Variants in MRPS31 observed in about 807,000 individuals in gnomAD.
The protein encoded by MRPS31 is small ribosomal subunit protein mS31.
Under a neutral mutation model 43.1 loss-of-function variants are expected in MRPS31, and 32 were observed. That is an observed-to-expected ratio of 0.74 (90% CI 0.56 to 1.00). The LOEUF is 1.00. Ranked by LOEUF, MRPS31 falls within the 50% of genes least tolerant of loss-of-function variation. The pLI is 0.00. For missense variants in MRPS31, 437 were observed against 466.7 expected (o/e 0.94, Z 0.59); for synonymous variants, 165 against 161.6 (o/e 1.02, Z -0.16).
chr13:40,766,658 T>C, intron 2 of MRPS31, 88 bp downstream of exon 2: 1 of 1,237,114 alleles, frequency 8.1e-7, no homozygotes, highest in Non-Finnish European at 1.1e-6. Flanking sequence ...ATTCAACATT[T>C]CCCAAGTACT....
intron 6 of MRPS31, among the ~76,000 whole-genome samples, chr13:40,737,387 C>A (rs1046428075): frequency 6.6e-6 from 1 of 151,640 alleles, no homozygotes; most frequent in African/African-American, 2.4e-5. Context: ...GACAGAAAGT[C>A]AACAAGGATA....
chr13:40,769,373 C>CATATATATATAT (rs201190639), intron 1 of MRPS31, among the ~76,000 whole-genome samples: 37 of 65,634 alleles, frequency 5.6e-4, no homozygotes, highest in Non-Finnish European at 9.7e-4. Context: ...AGACTCTGTC[C>CATATATATATAT]ATATATATAT....
chr13:40,752,078 T>C (rs1241563016), intron 5 of MRPS31, among the ~76,000 whole-genome samples: 1 of 152,026 alleles, frequency 6.6e-6, no homozygotes, highest in Non-Finnish European at 1.5e-5. Flanking sequence ...GGCTGGAGTG[T>C]AATGGTACAA....
At chr13:40,731,628 T>TA (rs1879704028) in intron 6 of MRPS31, among the ~76,000 whole-genome samples, 1 of 148,678 alleles carries the variant, frequency 6.7e-6, no homozygotes. Flanking sequence ...GAAAGAGAGA[T>TA]AGAGAAAATG....
At chr13:40,757,471 G>A (rs1880562390) in intron 3 of MRPS31, among the ~76,000 whole-genome samples, 1 of 117,704 alleles carries the variant, frequency 8.5e-6, no homozygotes, top group African/African-American at 3.5e-5. Flanking sequence ...TTGAGATGGA[G>A]TTTCACTCTG....
chr13:40,759,051 G>C lies in MRPS31; in HGVS notation c.496C>G (p.Leu166Val). ...TTGGTTGTTTGCTTATCAAAAGGGA[G>C]AGAATCTGCCACAGCAGATGCAGCT... The part of the protein sequence containing the change: ...VAAASAVADS[L>V]PFDKQTTKSE... Residue 166 changes from leucine to valine, a missense_variant, in exon 3 of 7, where the codon CTC (leucine) becomes GTC (valine). Coordinates refer to ENST00000323563, the MANE Select transcript of MRPS31 (RefSeq NM_005830.4). 1 of 1,608,470 alleles carries C rather than the reference G, an allele frequency of 6.2e-7. No homozygotes were observed. The highest frequency in any genetic ancestry group is 1.1e-5 in the South Asian group (1 of 89,686).
intron 5 of MRPS31, among the ~76,000 whole-genome samples, chr13:40,751,317 T>C (rs534456625): frequency 1.1e-4 from 16 of 152,356 alleles, no homozygotes; most frequent in South Asian, 6.2e-4. Flanking sequence ...CACTTGCTAA[T>C]ATTTGTAAGC....
intron 2 of MRPS31, among the ~76,000 whole-genome samples, chr13:40,761,267 C>CAAAAA (rs11440084): frequency 7.3e-6 from 1 of 136,828 alleles, no homozygotes. Flanking sequence ...AGTCTGTCTC[C>CAAAAA]AAAAAAAAAA....
chr13:40,757,165 T>C, intron 3 of MRPS31, 152 bp from the exon 4 acceptor site: 1 of 591,354 alleles, frequency 1.7e-6, no homozygotes. Context: ...AAATGTCGCC[T>C]ATTAACATTC....
intron 6 of MRPS31, among the ~76,000 whole-genome samples, chr13:40,735,315 G>C (rs1265547085): frequency 2.0e-5 from 3 of 152,234 alleles, no homozygotes; most frequent in East Asian, 3.9e-4. Context: ...TAGCACAGCA[G>C]TCTGAGATCA....
rs1030087761 is a variant in MRPS31 at position 40,729,303 on chromosome 13, T to C, written c.*69A>G. On this transcript the variant is annotated 3_prime_UTR_variant, in exon 7 of 7. Transcript: ENST00000323563. ...AATAATCAACATAACATATACAAAC[T>C]CTAGTAAAATTATTTTATTTAGTTG... The C allele has an allele frequency of 1.4e-5, 11 of 795,812 alleles. 1 individual carries two copies. In the South Asian group the frequency reaches 2.0e-4, roughly 14 times the overall value. 49.3% of individuals were successfully genotyped at this position (795,812 alleles called of 1,614,324 possible).
intron 6 of MRPS31, among the ~76,000 whole-genome samples, chr13:40,741,542 A>G (rs1361153132): frequency 6.6e-6 from 1 of 152,200 alleles, no homozygotes; most frequent in Non-Finnish European, 1.5e-5. Context: ...CACCACTGAT[A>G]TCATTTTTTA....
At chr13:40,743,157 C>T (rs369999961) in intron 6 of MRPS31, among the ~76,000 whole-genome samples, 14 of 151,950 alleles carry the variant, frequency 9.2e-5, no homozygotes, top group African/African-American at 3.1e-4. Context: ...TCTAAAAATA[C>T]AAAAAGAATT....
intron 6 of MRPS31, among the ~76,000 whole-genome samples, chr13:40,733,063 G>A (rs1879753924): frequency 7.1e-6 from 1 of 140,442 alleles, no homozygotes; most frequent in South Asian, 2.3e-4. Flanking sequence ...GAGTGCAATG[G>A]TGCAATCTCA....
intron 2 of MRPS31, among the ~76,000 whole-genome samples, chr13:40,763,282 G>A (rs1167311164): frequency 1.3e-5 from 2 of 152,182 alleles, no homozygotes; most frequent in African/African-American, 4.8e-5. Flanking sequence ...CTCAGTGGGA[G>A]TTATTGTAGT....
chr13:40,732,130 C>T (rs1879717615), intron 6 of MRPS31, among the ~76,000 whole-genome samples: 1 of 152,232 alleles, frequency 6.6e-6, no homozygotes, highest in Admixed American at 6.5e-5. Flanking sequence ...CCTGTAGCCT[C>T]AAGTCAAGCG....
At chr13:40,746,894 C>T (rs1001503845) in intron 6 of MRPS31, among the ~76,000 whole-genome samples, 19 of 152,142 alleles carry the variant, frequency 1.2e-4, no homozygotes, top group African/African-American at 4.6e-4. Context: ...TCACTTAATT[C>T]TCACACCAAT....
At chr13:40,768,396 A>G (rs920149783) in intron 1 of MRPS31, among the ~76,000 whole-genome samples, 17 of 139,260 alleles carry the variant, frequency 1.2e-4, no homozygotes, top group African/African-American at 4.9e-4. Flanking sequence ...TCCAACAGGC[A>G]TCACCCCGCT....
At chr13:40,750,222 A>G (rs79810906) in intron 5 of MRPS31, among the ~76,000 whole-genome samples, 1,918 of 152,328 alleles carry the variant, frequency 0.013, 53 homozygotes, top group African/African-American at 0.043. Flanking sequence ...ATGTAACAGC[A>G]TATGGATGAA....
Sources: allele counts gnomAD v4.1 joint callset (sites outside exome capture counted in the v4.1 genomes callset), GRCh38; gene constraint gnomAD v4.1.1; transcripts MANE v1.5; gene names NCBI Gene and HGNC (gene_info 2026-07-23, HGNC 2026-07-21).